The following GDF1 variants were observed in gnomAD, a reference collection of about 807,000 sequenced individuals.
GDF1 encodes the protein growth differentiation factor 1, also known as embryonic growth/differentiation factor 1.
GDF1 carries 8 observed loss-of-function variants against 7.4 expected under a neutral mutation model. The observed-to-expected ratio is 1.09, with a 90% CI of 0.64 to 1.96. The LOEUF (loss-of-function observed/expected upper bound fraction) is 1.96, where lower values mean the gene tolerates loss of function less well. Ranked by LOEUF, GDF1 falls within the 30% of genes most tolerant of loss-of-function variation. The pLI, the probability that GDF1 is intolerant of heterozygous loss-of-function variation, is 0.00. For synonymous variants in GDF1, 311 were observed against 276.7 expected (o/e 1.12, Z -1.23); for missense variants, 574 against 551.5 (o/e 1.04, Z -0.41).
intron 2 of GDF1, among the ~76,000 whole-genome samples, 162 bp downstream of exon 2, chr19:18,893,254 G>A (rs1030314776): frequency 3.3e-5 from 5 of 152,068 alleles, no homozygotes; most frequent in African/African-American, 9.7e-5. Context: ...TCACTCTGTC[G>A]TCCAGGCTGG....
In GDF1 at chr19:18,869,068, C is replaced by T. The variant is rs929541928; in HGVS notation, c.648G>A (p.Ala216=). 2.3e-5 allele frequency: 24 copies of T among 1,059,398 alleles called. No homozygotes were observed. Among genetic ancestry groups the T allele is most frequent in the Non-Finnish European group, 2.7e-5 (24 of 878,614 alleles). 65.6% of individuals were successfully genotyped at this position (1,059,398 alleles called of 1,614,324 possible). The change falls in exon 8 of 8, where the codon GCG becomes GCA. Residue 216 remains alanine, a synonymous_variant. Coordinates refer to ENST00000247005, the MANE Select transcript of GDF1 (RefSeq NM_001492.6). The part of the protein sequence containing the change: ...NASWPRSLRL[A]LALRPRAPAA... The stretch of plus-strand genomic sequence containing the variant: ...CAGGGGCCCGGGGGCGTAGCGCCAG[C>T]GCCAGGCGGAGGCTGCGCGGCCATG...
chr19:18,888,097 C>T (rs941129302), intron 2 of GDF1, among the ~76,000 whole-genome samples: 5 of 152,128 alleles, frequency 3.3e-5, no homozygotes, highest in African/African-American at 1.2e-4. Flanking sequence ...AGGTGGCTCA[C>T]GCCTGTAATC....
In GDF1 at chr19:18,878,257, G is replaced by A. The variant is rs913750924; in HGVS notation, c.-313+673C>T. ...AGACACTGCACACCCGACTCTGCTTGTTACCCAGTTTGGCCTCCGTTCATC... is the reference window on the plus strand; with the variant it reads ...AGACACTGCACACCCGACTCTGCTTATTACCCAGTTTGGCCTCCGTTCATC... On this transcript the variant is annotated intron_variant, in intron 6 of 7. Coordinates refer to ENST00000247005, the MANE Select transcript of GDF1 (RefSeq NM_001492.6). This position sits in a 1 kb window ranked among gnomAD's most constrained non-coding sequence, Gnocchi z 4.6. The A allele has an allele frequency of 1.0e-6, 1 of 985,612 alleles. No individual in the cohort carries two copies. Among genetic ancestry groups the A allele is most frequent in the Non-Finnish European group, 1.2e-6 (1 of 830,308 alleles). The allele number at this position is 985,612 out of a possible 1,614,324, so 61.1% of individuals were successfully genotyped here. A position where few individuals can be genotyped will look rare whatever the true frequency, so the allele number is the denominator to read the frequency against.
rs2055941159 is a variant in GDF1, at chr19:18,870,171, C to T, written c.137G>A (p.Arg46His). ...CCTGGGGGCACCCTGGGGCTCATCGCGCAGTCCTAGAGCCTGGAGCAGGGC... is the reference window on the plus strand; with the variant it reads ...CCTGGGGGCACCCTGGGGCTCATCGTGCAGTCCTAGAGCCTGGAGCAGGGC... Reference protein sequence around the residue: ...AAALLQALGLRDEPQGAPRLR... With the variant: ...AAALLQALGLHDEPQGAPRLR... Residue 46 changes from arginine (R) to histidine (H), a missense_variant, in exon 7 of 8, where the codon CGC becomes CAC. Physicochemically the swap from Arg to His is conservative, Grantham distance 29. Transcript: ENST00000247005. This position sits in a 1 kb window ranked among gnomAD's most constrained non-coding sequence, Gnocchi z 5.1. 6.4e-7 allele frequency: 1 copy of T among 1,561,418 alleles called. No homozygotes were observed. Among genetic ancestry groups the T allele is most frequent in the Middle Eastern group, 1.8e-4 (1 of 5,636 alleles).
At chr19:18,881,085 G>A (rs2056193847) in intron 3 of GDF1, among the ~76,000 whole-genome samples, 1 of 152,084 alleles carries the variant, frequency 6.6e-6, no homozygotes, top group Non-Finnish European at 1.5e-5. Flanking sequence ...GGTACTCTGT[G>A]TCCAGATCCT....
chr19:18,874,019 CT>C (rs1057286637), intron 6 of GDF1, among the ~76,000 whole-genome samples: 35 of 152,040 alleles, frequency 2.3e-4, no homozygotes, highest in African/African-American at 7.7e-4. Flanking sequence ...GGAAAACAGG[CT>C]GATGAGGCCA....
Position 18,878,233 on chromosome 19 carries a change from GAC to G in GDF1, c.-313+695_-313+696del. 1 of 985,584 alleles carries G rather than the reference GAC, an allele frequency of 1.0e-6. No individual in the cohort carries two copies. The highest frequency in any genetic ancestry group is 1.2e-6 in the Non-Finnish European group (1 of 830,166). The allele number at this position is 985,584 out of a possible 1,614,324, so 61.1% of individuals were successfully genotyped here. A position where few individuals can be genotyped will look rare whatever the true frequency, so the allele number is the denominator to read the frequency against. On this transcript the variant is annotated intron_variant, in intron 6 of 7. Transcript: ENST00000247005. This position sits in a 1 kb window ranked among gnomAD's most constrained non-coding sequence, Gnocchi z 4.6. Reference sequence around the variant, plus strand: ...CAAACACTCCTCACGTTGCCTATGAGACACTGCACACCCGACTCTGCTTGTTA... The same window carrying G: ...CAAACACTCCTCACGTTGCCTATGAGACTGCACACCCGACTCTGCTTGTTA...
chr19:18,893,467 G>A lies in GDF1; in HGVS notation c.-965C>T. 2 of 1,607,008 alleles carry A rather than the reference G, an allele frequency of 1.2e-6. No homozygotes were observed. The highest frequency in any genetic ancestry group is 1.7e-6 in the Non-Finnish European group (2 of 1,176,956). On this transcript the variant is annotated 5_prime_UTR_variant, in exon 2 of 8. Coordinates refer to ENST00000247005, the MANE Select transcript of GDF1 (RefSeq NM_001492.6). Reference sequence around the variant, plus strand: ...AAGAAGGGGTAGTCGGTGCCAAACAGCAGGTAGGCACTGTAGCTCCAGCTG... The same window carrying A: ...AAGAAGGGGTAGTCGGTGCCAAACAACAGGTAGGCACTGTAGCTCCAGCTG...
In GDF1 at chr19:18,868,638, GC is replaced by G; in HGVS notation, c.1077del (p.Gln360SerfsTer25). 6.4e-7 allele frequency: 1 copy of G among 1,574,578 alleles called. No individual in the cohort carries two copies. The highest frequency in any genetic ancestry group is 8.6e-7 in the Non-Finnish European group (1 of 1,160,268). On this transcript the variant is annotated frameshift_variant, in exon 8 of 8. Transcript: ENST00000247005. LOFTEE classifies it high-confidence loss of function. ...FFDNSDNVVL[R>X]QYEDMVVDEC... The stretch of plus-strand genomic sequence containing the variant: ...TCGTCCACCACCATGTCCTCATACT[GC>G]CGCAGCACCACGTTGTCGCTGTTGT...
intron 6 of GDF1, among the ~76,000 whole-genome samples, chr19:18,873,554 G>A (rs577003434): frequency 1.7e-4 from 26 of 151,802 alleles, no homozygotes; most frequent in Admixed American, 1.6e-3. Context: ...AAAATTAGCC[G>A]GGGCCAAGCA....
intron 6 of GDF1, among the ~76,000 whole-genome samples, chr19:18,871,837 C>T (rs191048811): frequency 7.2e-5 from 11 of 152,310 alleles, no homozygotes; most frequent in African/African-American, 2.6e-4. Context: ...CCGTGAGTGG[C>T]GTTTCTTCAT....
At chr19:18,869,416 G>A (rs778324698) in intron 7 of GDF1, 26 bp from the exon 8 acceptor site, 2 of 1,524,998 alleles carry the variant, frequency 1.3e-6, no homozygotes, top group Non-Finnish European at 1.8e-6. Flanking sequence ...CAGGAACTCG[G>A]CTCGCGCTGC....
chr19:18,879,056 G>A lies in GDF1; in HGVS notation c.-422-17C>T. 1.9e-6 allele frequency: 3 copies of A among 1,612,030 alleles called. No homozygotes were observed. The highest frequency in any genetic ancestry group is 1.1e-5 in the South Asian group (1 of 90,950). ...CACGATGTACTGCGAGAGGGGAGGG[G>A]AGGTGCCAGTGAGAAGAAAGCCCCC... is the stretch of plus-strand genomic sequence containing the variant. On this transcript the variant is annotated splice_polypyrimidine_tract_variant and intron_variant, in intron 5 of 7. Transcript: ENST00000247005.
Position 18,879,035 on chromosome 19 carries a change from A to G in GDF1, c.-418T>C. 1.2e-6 allele frequency: 2 copies of G among 1,613,402 alleles called. No homozygotes were observed. Among genetic ancestry groups the G allele is most frequent in the East Asian group, 4.5e-5 (2 of 44,876 alleles). ...CAACACCTTGGCTGCAAACGCCACG[A>G]TGTACTGCGAGAGGGGAGGGGAGGT... On this transcript the variant is annotated 5_prime_UTR_variant, in exon 6 of 8. Coordinates refer to ENST00000247005, the MANE Select transcript of GDF1 (RefSeq NM_001492.6).
chr19:18,880,331 TA>T lies in GDF1; in HGVS notation c.-629del. On this transcript the variant is annotated 5_prime_UTR_variant, in exon 4 of 8. An upstream open reading frame in the 5' UTR gains an earlier in-frame stop. Transcript: ENST00000247005. ...TGCTGCCAAGGCATGCAGCCGATGG[TA>T]GGAGCCGCCGCGGGACTTGAAGTAA... 5 of 1,555,154 alleles carry T rather than the reference TA, an allele frequency of 3.2e-6. No individual in the cohort carries two copies. The highest frequency in any genetic ancestry group is 4.3e-6 in the Non-Finnish European group (5 of 1,149,498).
intron 6 of GDF1, among the ~76,000 whole-genome samples, chr19:18,873,876 C>T (rs1194794888): frequency 2.0e-5 from 3 of 150,330 alleles, no homozygotes; most frequent in African/African-American, 4.9e-5. Flanking sequence ...GGGGAGGGGA[C>T]TCTCTGGGGT....
At chr19:18,882,313 G>T (rs2056231187) in intron 3 of GDF1, among the ~76,000 whole-genome samples, 1 of 152,102 alleles carries the variant, frequency 6.6e-6, no homozygotes, top group Admixed American at 6.6e-5. Context: ...TGTGGCTGAG[G>T]AATGGAATAG....
chr19:18,893,304 TCCTGGG>T, intron 2 of GDF1, 106 bp downstream of exon 2: 2 of 1,265,570 alleles, frequency 1.6e-6, no homozygotes, highest in Admixed American at 4.9e-5. Flanking sequence ...GGCCTCCAAC[TCCTGGG>T]CTCCAGTGAT....
In GDF1 at chr19:18,878,719, G is replaced by C; in HGVS notation, c.-313+211C>G. 7.2e-7 allele frequency: 1 copy of C among 1,384,036 alleles called. No homozygotes were observed. Among genetic ancestry groups the C allele is most frequent in the Admixed American group, 3.0e-5 (1 of 33,428 alleles). The allele number at this position is 1,384,036 out of a possible 1,614,324, so 85.7% of individuals were successfully genotyped here. On this transcript the variant is annotated intron_variant, in intron 6 of 7. Coordinates refer to ENST00000247005, the MANE Select transcript of GDF1 (RefSeq NM_001492.6). This position sits in a 1 kb window ranked among gnomAD's most constrained non-coding sequence, Gnocchi z 4.6. ...CTGTCGCCCTGCCTGCCCCTCCCCA[G>C]CCTCTCCCTCCCCTTCCTCACTGTC...
Sources: allele counts gnomAD v4.1 joint callset (sites outside exome capture counted in the v4.1 genomes callset), GRCh38; gene constraint gnomAD v4.1.1; non-coding constraint Gnocchi (gnomAD v3.1); transcripts MANE v1.5; gene names NCBI Gene and HGNC (gene_info 2026-07-23, HGNC 2026-07-21).